TEKT5: variants seen among roughly 807,000 people sequenced by gnomAD.
TEKT5 encodes the protein tektin 5.
TEKT5 carries 52 observed loss-of-function variants against 48.7 expected under a neutral mutation model. That is an observed-to-expected ratio of 1.07 (90% CI 0.86 to 1.35). The LOEUF is 1.35. Ranked by LOEUF, TEKT5 falls within the 40% of genes most tolerant of loss-of-function variation. The probability of loss-of-function intolerance (pLI) is 0.00; values close to 1 mark genes in which losing one functional copy is unlikely to be tolerated. For missense variants in TEKT5, 831 were observed against 641.6 expected, an observed-to-expected ratio of 1.30 and a Z score of -3.19; for synonymous variants, 318 against 267.6, an observed-to-expected ratio of 1.19 and a Z score of -1.84.
chr16:10,686,576 A>C (rs540469735), intron 3 of TEKT5, among the ~76,000 whole-genome samples: 1 of 152,224 alleles, frequency 6.6e-6, no homozygotes, highest in African/African-American at 2.4e-5. Context: ...CCAATAGCAC[A>C]TGAAATCAAA....
intron 5 of TEKT5, among the ~76,000 whole-genome samples, chr16:10,646,280 T>C (rs1898068929): frequency 6.6e-6 from 1 of 152,226 alleles, no homozygotes. Context: ...TCTGGAAATC[T>C]AGATTTTTAA....
At chr16:10,684,474 C>T (rs1898819579) in intron 3 of TEKT5, among the ~76,000 whole-genome samples, 1 of 151,650 alleles carries the variant, frequency 6.6e-6, no homozygotes, top group Non-Finnish European at 1.5e-5. Flanking sequence ...GAAGTGAAAT[C>T]CTCACAGTGG....
chr16:10,636,054 C>T, intron 5 of TEKT5, 136 bp from the exon 6 acceptor site: 1 of 1,357,406 alleles, frequency 7.4e-7, no homozygotes, highest in Non-Finnish European at 9.9e-7. Context: ...CCTTGAGCAC[C>T]TTTAGGGCAG....
chr16:10,658,718 C>A (rs968109160), intron 5 of TEKT5, among the ~76,000 whole-genome samples: 22 of 67,250 alleles, frequency 3.3e-4, no homozygotes, highest in Non-Finnish European at 6.4e-4. Flanking sequence ...CTAGATATTT[C>A]TTTTTCTTTT....
At chr16:10,684,795 C>T (rs1167235298) in intron 3 of TEKT5, among the ~76,000 whole-genome samples, 3 of 152,204 alleles carry the variant, frequency 2.0e-5, no homozygotes, top group East Asian at 1.9e-4. Context: ...GCCAAGCTCA[C>T]CCTGCTGTCA....
In TEKT5 at chr16:10,675,220, C is replaced by A. The variant is rs539589324; in HGVS notation, c.1086+739G>T. Among the ~76,000 whole-genome samples the A allele has an allele frequency of 2.6e-5, 4 of 152,294 alleles. No individual in the cohort carries two copies. In the South Asian group the frequency reaches 6.2e-4, roughly 24 times the overall value. Reference sequence around the variant, plus strand: ...TTCTTTCTGTGTATAAATTTCACAGCCACCACTGTTCCTCCAGGAGAATGT... The same window carrying A: ...TTCTTTCTGTGTATAAATTTCACAGACACCACTGTTCCTCCAGGAGAATGT... On this transcript the variant is annotated intron_variant, in intron 5 of 6. Transcript: ENST00000283025.
At chr16:10,662,236 C>T (rs1412997058) in intron 5 of TEKT5, among the ~76,000 whole-genome samples, 2 of 152,220 alleles carry the variant, frequency 1.3e-5, no homozygotes, top group African/African-American at 4.8e-5. Context: ...TAAATGTCTT[C>T]AGACATTGCC....
At position 10,690,045 on chromosome 16, in the gene TEKT5, G is replaced by A; in HGVS notation, c.565-20C>T. 6.2e-7 allele frequency: 1 copy of A among 1,612,844 alleles called. No individual in the cohort carries two copies. Among genetic ancestry groups the A allele is most frequent in the Non-Finnish European group, 8.5e-7 (1 of 1,179,340 alleles). ...GGCCACCTGTGGGAAGCAGCAGAAA[G>A]AACGTATTCTTCCTGTAGCTGTATG... On this transcript the variant is annotated intron_variant, in intron 1 of 6. Transcript: ENST00000283025.
At position 10,675,950 on chromosome 16, in the gene TEKT5, T is replaced by A; in HGVS notation, c.1086+9A>T. On this transcript the variant is annotated intron_variant, in intron 5 of 6. Transcript: ENST00000283025. ...AGAGAAGGCAGGGGTCCTGGGAGGA[T>A]CTGCTCACCTTCGCCAGCTGCGTCT... is the stretch of plus-strand genomic sequence containing the variant. The A allele has an allele frequency of 6.2e-7, 1 of 1,613,856 alleles. No homozygotes were observed. The highest frequency in any genetic ancestry group is 1.1e-5 in the South Asian group (1 of 91,052).
intron 5 of TEKT5, among the ~76,000 whole-genome samples, chr16:10,638,199 G>A (rs1897942443): frequency 1.3e-5 from 2 of 152,290 alleles, no homozygotes; most frequent in South Asian, 2.1e-4. Context: ...AACAAAGAAT[G>A]GGCTCAAAAG....
At chr16:10,629,641 C>G (rs1897808185) in intron 6 of TEKT5, among the ~76,000 whole-genome samples, 1 of 152,210 alleles carries the variant, frequency 6.6e-6, no homozygotes, top group African/African-American at 2.4e-5. Context: ...GGCACCATCC[C>G]CAGCTGCTAC....
chr16:10,670,572 T>G (rs1165526281), intron 5 of TEKT5, among the ~76,000 whole-genome samples: 2 of 152,198 alleles, frequency 1.3e-5, no homozygotes, highest in Non-Finnish European at 1.5e-5. Context: ...TGTTGAAAAG[T>G]GAAATGGTTG....
intron 5 of TEKT5, among the ~76,000 whole-genome samples, chr16:10,667,431 A>G (rs1567231892): frequency 6.6e-6 from 1 of 152,162 alleles, no homozygotes; most frequent in Non-Finnish European, 1.5e-5. Flanking sequence ...TGTTCAAATA[A>G]GGCAAACAAA....
At chr16:10,654,486 G>A (rs554488402) in intron 5 of TEKT5, among the ~76,000 whole-genome samples, 19 of 152,298 alleles carry the variant, frequency 1.2e-4, no homozygotes, top group Non-Finnish European at 1.6e-4. Flanking sequence ...AGAAACTAAC[G>A]TTTGAATTGA....
At chr16:10,686,911 A>G (rs1898870561) in intron 3 of TEKT5, among the ~76,000 whole-genome samples, 1 of 152,250 alleles carries the variant, frequency 6.6e-6, no homozygotes, top group Admixed American at 6.5e-5. Context: ...CCTTAAAAAA[A>G]GAAGAAAATC....
At position 10,652,869 on chromosome 16, in the gene TEKT5, A is replaced by ACACCCC. The variant is rs1178174946; in HGVS notation, c.1087-16952_1087-16951insGGGGTG. On this transcript the variant is annotated intron_variant, in intron 5 of 6. Coordinates refer to ENST00000283025, the MANE Select transcript of TEKT5 (RefSeq NM_144674.2). ...CACACACACACACACACACACACAC[A>ACACCCC]CCCTCCAGGTCAGGTAGAGCGATCC... 2.6e-3 allele frequency among the ~76,000 whole-genome samples: 233 copies of ACACCCC among 88,948 alleles called. 13 individuals carry two copies. Among genetic ancestry groups the ACACCCC allele is most frequent in the African/African-American group, 0.012 (206 of 17,752 alleles). 58.4% of individuals were successfully genotyped at this position (88,948 alleles called of 152,430 possible). A position where few individuals can be genotyped will look rare whatever the true frequency, so the allele number is the denominator to read the frequency against.
intron 5 of TEKT5, among the ~76,000 whole-genome samples, chr16:10,636,130 T>A (rs1011151173): frequency 2.0e-5 from 3 of 152,020 alleles, no homozygotes; most frequent in Admixed American, 6.6e-5. Flanking sequence ...ATCCCAGCAC[T>A]TTGGGAGGCC....
chr16:10,692,975 A>G (rs571994266), intron 1 of TEKT5: 1 of 152,334 alleles, frequency 6.6e-6, no homozygotes, highest in Admixed American at 6.5e-5. Context: ...CTAAACCACT[A>G]TCGTGGAGTA....
chr16:10,683,013 CAAATATA>C (rs1898784326), intron 3 of TEKT5, among the ~76,000 whole-genome samples: 1 of 151,966 alleles, frequency 6.6e-6, no homozygotes, highest in Non-Finnish European at 1.5e-5. Context: ...TTTGTGTGAA[CAAATATA>C]AAATATATGT....
Sources: allele counts gnomAD v4.1 joint callset (sites outside exome capture counted in the v4.1 genomes callset), GRCh38; gene constraint gnomAD v4.1.1; transcripts MANE v1.5; gene names NCBI Gene and HGNC (gene_info 2026-07-23, HGNC 2026-07-21).